Variants in TTC21B observed in about 807,000 individuals in gnomAD.
TTC21B encodes the protein tetratricopeptide repeat domain 21B, also known as tetratricopeptide repeat protein 21B.
A neutral mutation model predicts 175.1 loss-of-function variants in TTC21B; 127 were observed. The observed-to-expected ratio is 0.73, with a 90% CI of 0.63 to 0.84. The LOEUF (loss-of-function observed/expected upper bound fraction) is 0.84. Ranked by LOEUF, TTC21B falls within the 40% of genes least tolerant of loss-of-function variation. TTC21B has a pLI of 0.00. For missense variants in TTC21B, 1,561 were observed against 1,558.3 expected (o/e 1.00, Z -0.03); for synonymous variants, 524 against 524.5 (o/e 1.00, Z 0.01).
chr2:165,911,179 T>G, intron 18 of TTC21B, 148 bp downstream of exon 18: 3 of 894,038 alleles, frequency 3.4e-6, no homozygotes, highest in Non-Finnish European at 5.3e-6. Flanking sequence ...TTTAGTAGAG[T>G]GGCATTCTGA....
chr2:165,920,343 T>C (rs1686341255), intron 12 of TTC21B, among the ~76,000 whole-genome samples: 1 of 152,190 alleles, frequency 6.6e-6, no homozygotes, highest in South Asian at 2.1e-4. Context: ...AGACATGCAC[T>C]GAGACTGAAA....
chr2:165,889,812 G>T (rs1685127571), intron 24 of TTC21B, among the ~76,000 whole-genome samples: 1 of 152,016 alleles, frequency 6.6e-6, no homozygotes, highest in Non-Finnish European at 1.5e-5. Context: ...AGATTGAAAG[G>T]TTTCAGGTAT....
At chr2:165,875,291 A>G (rs1278042709) in intron 28 of TTC21B, among the ~76,000 whole-genome samples, 1 of 152,050 alleles carries the variant, frequency 6.6e-6, no homozygotes, top group Non-Finnish European at 1.5e-5. Context: ...TTTAACTCCA[A>G]AAATGATCCT....
intron 5 of TTC21B, among the ~76,000 whole-genome samples, chr2:165,941,399 T>A (rs568271505): frequency 3.5e-4 from 53 of 152,322 alleles, no homozygotes; most frequent in African/African-American, 1.2e-3. Context: ...TACTTTTAAA[T>A]GGCTGAAAAA....
intron 20 of TTC21B, among the ~76,000 whole-genome samples, chr2:165,901,228 G>C (rs906253709): frequency 2.0e-5 from 3 of 151,868 alleles, no homozygotes; most frequent in Non-Finnish European, 4.4e-5. Flanking sequence ...TTAATGTAAG[G>C]CATCATGTAA....
chr2:165,886,667 T>C lies in TTC21B; in HGVS notation c.3459+1612A>G, dbSNP rs150156945. Among the ~76,000 whole-genome samples, 459 of 152,332 alleles carry C rather than the reference T, an allele frequency of 3.0e-3. 3 individuals are homozygous for C. The highest frequency in any genetic ancestry group is 0.011 in the African/African-American group (447 of 41,556). On this transcript the variant is annotated intron_variant, in intron 25 of 28. Coordinates refer to ENST00000243344, the MANE Select transcript of TTC21B (RefSeq NM_024753.5). ...TCTTATCAACAGAAAGCAGGCATAG[T>C]CCTTCTAGGAAATAGCTGTAATATC...
At position 165,898,740 on chromosome 2, in the gene TTC21B, G is replaced by A. The variant is rs761287750; in HGVS notation, c.2896C>T (p.Gln966Ter). Residue 966 changes from glutamine (Q) to a stop codon, truncating the protein, a stop_gained, in exon 22 of 29, where the codon CAA becomes TAA. Transcript: ENST00000243344. LOFTEE classifies it high-confidence loss of function. The part of the protein sequence containing the change: ...MMMADLMFRK[Q>*]DYEQAVFHLQ... ...TGAAACACTGCTTGTTCATAGTCTT[G>A]TTTTCTGAACATGAGATCAGCCATC... is the stretch of plus-strand genomic sequence containing the variant. The A allele has an allele frequency of 3.1e-6, 5 of 1,613,210 alleles. No individual in the cohort carries two copies. Among genetic ancestry groups the A allele is most frequent in the Non-Finnish European group, 4.2e-6 (5 of 1,179,348 alleles).
rs747278703 is a variant in TTC21B at position 165,884,070 on chromosome 2, A to C, written c.3460-52T>G. On this transcript the variant is annotated intron_variant, in intron 25 of 28. Coordinates refer to ENST00000243344, the MANE Select transcript of TTC21B (RefSeq NM_024753.5). ...TAAGATGCATAAACATAAATGCCCC[A>C]AAAACATACAGAAAGCAGAAAATGC... 18 of 1,406,602 alleles carry C rather than the reference A, an allele frequency of 1.3e-5. No individual in the cohort carries two copies. The African/African-American group carries it at 2.1e-4, about 16-fold the overall frequency. 87.1% of individuals were successfully genotyped at this position (1,406,602 alleles called of 1,614,324 possible). A position where few individuals can be genotyped will look rare whatever the true frequency, so the allele number is the denominator to read the frequency against.
intron 7 of TTC21B, 142 bp downstream of exon 7, chr2:165,932,827 TAGTA>T: frequency 1.4e-6 from 1 of 705,480 alleles, no homozygotes; most frequent in Admixed American, 2.3e-5. Context: ...AGGTATACTC[TAGTA>T]ATCAACTAAA....
In TTC21B at chr2:165,953,671, G is replaced by A; in HGVS notation, c.21+14C>T. ...CGCCCGCCCGCTCACCCGCTCACCC[G>A]CTCACCCGCTCACCTTCAATTCCTG... On this transcript the variant is annotated intron_variant, in intron 1 of 28. Transcript: ENST00000243344. 6.6e-7 allele frequency: 1 copy of A among 1,512,804 alleles called. No individual in the cohort carries two copies. Among genetic ancestry groups the A allele is most frequent in the Non-Finnish European group, 8.9e-7 (1 of 1,123,230 alleles). 93.7% of individuals were successfully genotyped at this position (1,512,804 alleles called of 1,614,324 possible). A position where few individuals can be genotyped will look rare whatever the true frequency, so the allele number is the denominator to read the frequency against.
At chr2:165,920,505 C>T (rs1686348004) in intron 12 of TTC21B, among the ~76,000 whole-genome samples, 1 of 152,062 alleles carries the variant, frequency 6.6e-6, no homozygotes, top group Non-Finnish European at 1.5e-5. Flanking sequence ...ATCCAACACT[C>T]AAAACTGCAC....
chr2:165,917,464 T>A lies in TTC21B; in HGVS notation c.1692A>T (p.Leu564Phe), dbSNP rs1341436596. The A allele has an allele frequency of 6.2e-7, 1 of 1,612,008 alleles. No individual in the cohort carries two copies. The highest frequency in any genetic ancestry group is 1.1e-5 in the South Asian group (1 of 91,034). The change falls in exon 14 of 29, where the codon TTA becomes TTT. Residue 564 changes from leucine (L) to phenylalanine (F), a missense_variant. Leu to Phe is a conservative substitution (Grantham distance 22). Transcript: ENST00000243344. Reference sequence around the variant, plus strand: ...GTGACTGAGCTTTTATCAAATGGTATAAAGGATAGTCTCTCACCTGAAGAA... The same window carrying A: ...GTGACTGAGCTTTTATCAAATGGTAAAAAGGATAGTCTCTCACCTGAAGAA... ...SYDFKVRDYP[L>F]YHLIKAQSQK...
In TTC21B at chr2:165,874,744, T is replaced by C. The variant is rs766935264; in HGVS notation, c.*11A>G. On this transcript the variant is annotated 3_prime_UTR_variant, in exon 29 of 29. Transcript: ENST00000243344. ...TTTCCTGTTAAACCAACACCTAAGTTAAAATTATTTTCAAGGTCTTAAAGA... is the reference window on the plus strand; with the variant it reads ...TTTCCTGTTAAACCAACACCTAAGTCAAAATTATTTTCAAGGTCTTAAAGA... 3 of 1,611,476 alleles carry C rather than the reference T, an allele frequency of 1.9e-6. No homozygotes were observed. Among genetic ancestry groups the C allele is most frequent in the African/African-American group, 2.7e-5 (2 of 74,884 alleles).
At chr2:165,888,854 CAA>C (rs1312982353) in intron 24 of TTC21B, among the ~76,000 whole-genome samples, 1 of 152,104 alleles carries the variant, frequency 6.6e-6, no homozygotes, top group Non-Finnish European at 1.5e-5. Context: ...AAAAAAGTGA[CAA>C]ATACTGTATT....
chr2:165,930,770 A>AGTGTGTGTGTGTGTGTGTGTGTG (rs1553514267), intron 8 of TTC21B, among the ~76,000 whole-genome samples: 1 of 97,130 alleles, frequency 1.0e-5, no homozygotes. Flanking sequence ...TGTGTGTATA[A>AGTGTGTGTGTGTGTGTGTGTGTG]TATATGTATG....
At chr2:165,884,138 C>G in intron 25 of TTC21B, 120 bp from the exon 26 acceptor site, 3 of 809,026 alleles carry the variant, frequency 3.7e-6, no homozygotes, top group Non-Finnish European at 6.2e-6. Flanking sequence ...AGCTCCATTA[C>G]AGATAACTGT....
chr2:165,892,721 T>C (rs1260588965), intron 22 of TTC21B, among the ~76,000 whole-genome samples: 1 of 152,016 alleles, frequency 6.6e-6, no homozygotes, highest in Non-Finnish European at 1.5e-5. Flanking sequence ...GGAAGAGGAA[T>C]GAGGAACGAG....
intron 27 of TTC21B, among the ~76,000 whole-genome samples, chr2:165,877,689 ATGTG>A (rs1223592718): frequency 1.3e-5 from 2 of 152,134 alleles, no homozygotes; most frequent in Non-Finnish European, 2.9e-5. Context: ...GCATATATAT[ATGTG>A]TGTATGTTTA....
In TTC21B at chr2:165,919,438, T is replaced by A. The variant is rs769174542; in HGVS notation, c.1517-5A>T. On this transcript the variant is annotated splice_region_variant and splice_polypyrimidine_tract_variant and intron_variant, in intron 12 of 28. Transcript: ENST00000243344. Reference sequence around the variant, plus strand: ...TGAAAGCTGCTTCAATATCACCTAATAAGAAAAACAATGCATTGTTATAAT... The same window carrying A: ...TGAAAGCTGCTTCAATATCACCTAAAAAGAAAAACAATGCATTGTTATAAT... 1.2e-6 allele frequency: 2 copies of A among 1,613,554 alleles called. No homozygotes were observed. The highest frequency in any genetic ancestry group is 2.7e-5 in the African/African-American group (2 of 74,924).
Sources: gnomAD v4.1 joint callset for allele counts (sites outside exome capture counted in the v4.1 genomes callset) on GRCh38, gnomAD v4.1.1 for gene constraint, MANE v1.5 for transcripts, NCBI Gene and HGNC (gene_info 2026-07-23, HGNC 2026-07-21) for gene names.